AFG2A: variants seen among roughly 807,000 people sequenced by gnomAD.
AFG2A encodes ATPase family gene 2 protein homolog A.
At chr4:123,019,404 CAT>C in the AFG2A span, among the ~76,000 whole-genome samples, 2 of 152,022 alleles carry the variant, frequency 1.3e-5, no homozygotes, top group African/African-American at 2.4e-5. Context: ...CACATGCACA[CAT>C]GTGTGTTTGC....
the AFG2A span, among the ~76,000 whole-genome samples, chr4:122,981,304 G>A: frequency 4.7e-4 from 71 of 151,986 alleles, no homozygotes; most frequent in African/African-American, 1.7e-3. Flanking sequence ...CGTGTTCTTC[G>A]GTACCTTTGC....
At chr4:122,970,112 C>T in the AFG2A span, among the ~76,000 whole-genome samples, 1,148 of 152,268 alleles carry the variant, frequency 7.5e-3, 14 homozygotes, top group African/African-American at 0.026. Flanking sequence ...CACATTTGCT[C>T]AGCACATACT....
the AFG2A span, among the ~76,000 whole-genome samples, chr4:122,927,029 A>T: frequency 6.6e-6 from 1 of 152,180 alleles, no homozygotes; most frequent in Non-Finnish European, 1.5e-5. Flanking sequence ...TGGGGTGGAT[A>T]GAAAGGAGTG....
the AFG2A span, among the ~76,000 whole-genome samples, chr4:123,059,701 T>C: frequency 1.3e-5 from 2 of 151,104 alleles, no homozygotes; most frequent in Non-Finnish European, 3.0e-5. Context: ...ATGGTATTTC[T>C]AGTTCTAGAT....
the AFG2A span, among the ~76,000 whole-genome samples, chr4:123,012,447 G>T: frequency 6.6e-6 from 1 of 152,020 alleles, no homozygotes; most frequent in African/African-American, 2.4e-5. Flanking sequence ...GAGAGAAGGG[G>T]TGGGTGAGCA....
chr4:123,289,059 G>A, the AFG2A span, among the ~76,000 whole-genome samples: 1 of 152,094 alleles, frequency 6.6e-6, no homozygotes, highest in Non-Finnish European at 1.5e-5. Flanking sequence ...GTGGTTTTTG[G>A]TTACATGGAT....
chr4:123,008,859 A>G, the AFG2A span, among the ~76,000 whole-genome samples: 5 of 152,228 alleles, frequency 3.3e-5, no homozygotes, highest in South Asian at 2.1e-4. Flanking sequence ...AAGGTTTGGT[A>G]TAAAGTTTTC....
At chr4:123,082,744 G>A in the AFG2A span, among the ~76,000 whole-genome samples, 9 of 151,998 alleles carry the variant, frequency 5.9e-5, no homozygotes, top group Middle Eastern at 0.01. Flanking sequence ...TTGAATCTGT[G>A]GATCAAGTTG....
At chr4:123,242,522 G>T in the AFG2A span, among the ~76,000 whole-genome samples, 15 of 152,278 alleles carry the variant, frequency 9.9e-5, no homozygotes, top group East Asian at 2.9e-3. Context: ...TTAATACATG[G>T]TGCTGGGAAA....
the AFG2A span, among the ~76,000 whole-genome samples, chr4:123,029,941 G>C: frequency 2.0e-5 from 3 of 152,182 alleles, no homozygotes; most frequent in Admixed American, 1.3e-4. Context: ...ACACAGCAAA[G>C]GTTGCGGTTT....
At chr4:123,016,967 C>G in the AFG2A span, among the ~76,000 whole-genome samples, 2,036 of 152,200 alleles carry the variant, frequency 0.013, 46 homozygotes, top group African/African-American at 0.046. Context: ...CAAAAAAATA[C>G]GAAAACCAGT....
At chr4:123,288,963 A>G in the AFG2A span, among the ~76,000 whole-genome samples, 1 of 152,114 alleles carries the variant, frequency 6.6e-6, no homozygotes, top group African/African-American at 2.4e-5. Context: ...TTTTTTCTAC[A>G]TATTTAGTGT....
the AFG2A span, among the ~76,000 whole-genome samples, chr4:123,034,681 A>G: frequency 6.6e-6 from 1 of 152,072 alleles, no homozygotes; most frequent in South Asian, 2.1e-4. Context: ...CAAATATACC[A>G]TGCTAATATG....
the AFG2A span, among the ~76,000 whole-genome samples, chr4:123,163,623 A>G: frequency 6.6e-6 from 1 of 152,332 alleles, no homozygotes; most frequent in East Asian, 1.9e-4. Flanking sequence ...TGACCTCTTA[A>G]CATGTATTTT....
chr4:123,028,425 C>T, the AFG2A span: 8 of 1,583,316 alleles, frequency 5.1e-6, no homozygotes, highest in African/African-American at 2.7e-5. Flanking sequence ...AATCGCTACT[C>T]TCTCTTGGCC....
At chr4:123,023,561 C>T in the AFG2A span, among the ~76,000 whole-genome samples, 800 of 152,174 alleles carry the variant, frequency 5.3e-3, 7 homozygotes, top group African/African-American at 0.018. Flanking sequence ...GGAGAGTTGG[C>T]ATGCAAAAAC....
the AFG2A span, among the ~76,000 whole-genome samples, chr4:123,008,937 TG>T: frequency 6.6e-6 from 1 of 152,210 alleles, no homozygotes; most frequent in Admixed American, 6.5e-5. Flanking sequence ...ACTGTTAATT[TG>T]TTTGTAATTT....
At chr4:123,263,680 G>T in the AFG2A span, among the ~76,000 whole-genome samples, 1 of 152,100 alleles carries the variant, frequency 6.6e-6, no homozygotes, top group Non-Finnish European at 1.5e-5. Context: ...ATTCCTATAA[G>T]AATAGCCATA....
chr4:123,069,851 A>G, the AFG2A span, among the ~76,000 whole-genome samples: 8 of 152,228 alleles, frequency 5.3e-5, no homozygotes, highest in African/African-American at 1.4e-4. Context: ...CTAATTACCA[A>G]TGTCTTAACA....
Sources: gnomAD v4.1 joint callset for allele counts (sites outside exome capture counted in the v4.1 genomes callset) on GRCh38, gnomAD v4.1.1 for gene constraint, MANE v1.5 for transcripts, NCBI Gene and HGNC (gene_info 2026-07-23, HGNC 2026-07-21) for gene names.